The following MCU variants were observed in gnomAD, a reference collection of about 807,000 sequenced individuals.
MCU encodes mitochondrial calcium uniporter.
In MCU, 12 loss-of-function variants were observed where a neutral mutation model predicts 45.2. The observed-to-expected ratio is 0.27, with a 90% confidence interval of 0.17 to 0.43. The LOEUF (loss-of-function observed/expected upper bound fraction) is 0.43, where lower values mean the gene tolerates loss of function less well. MCU is among the 20% of genes least tolerant of loss of function. The pLI is 1.00. For missense variants in MCU, 324 were observed against 436.7 expected (o/e 0.74, Z 2.30); for synonymous variants, 160 against 165.1 (o/e 0.97, Z 0.24).
At chr10:72,762,519 GAGA>G (rs1843669846) in intron 1 of MCU, among the ~76,000 whole-genome samples, 2 of 152,066 alleles carry the variant, frequency 1.3e-5, no homozygotes, top group Admixed American at 1.3e-4. Context: ...AGAGGCATGT[GAGA>G]AGTAGTAAAC....
intron 1 of MCU, among the ~76,000 whole-genome samples, chr10:72,808,069 A>C (rs1426869996): frequency 1.3e-5 from 2 of 152,224 alleles, no homozygotes; most frequent in African/African-American, 2.4e-5. Context: ...TTTTAGGAGA[A>C]GAATAACCTG....
chr10:72,853,337 G>A (rs1398948822), intron 2 of MCU, among the ~76,000 whole-genome samples: 1 of 151,994 alleles, frequency 6.6e-6, no homozygotes, highest in African/African-American at 2.4e-5. Context: ...TTCTAGAGGT[G>A]AAAAATATGT....
chr10:72,810,007 C>T (rs1564563647), intron 1 of MCU, among the ~76,000 whole-genome samples: 2 of 112,742 alleles, frequency 1.8e-5, no homozygotes, highest in African/African-American at 5.0e-5. Context: ...TCTGTGTGTG[C>T]ATGTGTGTGT....
At chr10:72,729,527 A>G (rs1589435132) in intron 1 of MCU, among the ~76,000 whole-genome samples, 3 of 152,342 alleles carry the variant, frequency 2.0e-5, no homozygotes, top group East Asian at 3.9e-4. Context: ...AACCAGTCCC[A>G]CAAACACGTG....
chr10:72,817,180 A>C (rs1353639122), intron 1 of MCU, among the ~76,000 whole-genome samples: 1 of 152,210 alleles, frequency 6.6e-6, no homozygotes, highest in South Asian at 2.1e-4. Context: ...ATCTATGTAT[A>C]TTTCAAGTAG....
At chr10:72,697,426 ATTTTTTTTTT>A (rs1001610262) in intron 1 of MCU, among the ~76,000 whole-genome samples, 30 of 64,136 alleles carry the variant, frequency 4.7e-4, no homozygotes, top group African/African-American at 1.5e-3. Context: ...CCAGACTTCT[ATTTTTTTTTT>A]TTTTTTTTTT....
intron 1 of MCU, among the ~76,000 whole-genome samples, chr10:72,774,842 A>G (rs1180763953): frequency 6.6e-6 from 1 of 152,194 alleles, no homozygotes; most frequent in Non-Finnish European, 1.5e-5. Flanking sequence ...CAGCAAGAAG[A>G]TATACCAATT....
At chr10:72,768,147 T>A (rs1007789206) in intron 1 of MCU, among the ~76,000 whole-genome samples, 8 of 152,126 alleles carry the variant, frequency 5.3e-5, no homozygotes, top group African/African-American at 1.9e-4. Flanking sequence ...AAGACTTTTT[T>A]AAAAAAAGAA....
intron 1 of MCU, among the ~76,000 whole-genome samples, chr10:72,749,904 C>T (rs1230198214): frequency 6.6e-6 from 1 of 151,634 alleles, no homozygotes; most frequent in African/African-American, 2.4e-5. Context: ...GTAGCTGGGA[C>T]TACAGGCGTG....
At chr10:72,865,130 GTTTTTTAAA>G (rs1845434049) in intron 4 of MCU, among the ~76,000 whole-genome samples, 6 of 152,230 alleles carry the variant, frequency 3.9e-5, no homozygotes, top group Admixed American at 3.9e-4. Context: ...TGAACGTTTA[GTTTTTTAAA>G]TAAAGCTTTT....
At chr10:72,849,574 C>T (rs542396726) in intron 2 of MCU, among the ~76,000 whole-genome samples, 1 of 152,076 alleles carries the variant, frequency 6.6e-6, no homozygotes, top group South Asian at 2.1e-4. Flanking sequence ...GTGAGATTTC[C>T]TAGAGAGTGT....
chr10:72,799,966 T>G (rs1844314245), intron 1 of MCU, among the ~76,000 whole-genome samples: 1 of 152,186 alleles, frequency 6.6e-6, no homozygotes, highest in Non-Finnish European at 1.5e-5. Context: ...CAAATACAAG[T>G]TCAGCATCTC....
intron 1 of MCU, among the ~76,000 whole-genome samples, chr10:72,833,389 A>G (rs1218998896): frequency 3.3e-5 from 5 of 152,206 alleles, no homozygotes; most frequent in Non-Finnish European, 4.4e-5. Context: ...TCAGTCTTAC[A>G]TTTCTGCATG....
intron 1 of MCU, among the ~76,000 whole-genome samples, chr10:72,762,918 C>T (rs756646815): frequency 7.9e-5 from 12 of 152,176 alleles, no homozygotes; most frequent in East Asian, 1.9e-4. Context: ...CTAAAATCAA[C>T]GTGTCTTCAG....
At chr10:72,846,782 C>G (rs1257606939) in intron 2 of MCU, among the ~76,000 whole-genome samples, 1 of 151,894 alleles carries the variant, frequency 6.6e-6, no homozygotes, top group Non-Finnish European at 1.5e-5. Context: ...CCTTTAGGGT[C>G]CAGATGGAGG....
At chr10:72,732,358 A>G (rs1245932123) in intron 1 of MCU, among the ~76,000 whole-genome samples, 2 of 152,330 alleles carry the variant, frequency 1.3e-5, no homozygotes, top group East Asian at 3.9e-4. Flanking sequence ...TCTATTTGAT[A>G]ACTCATAGAA....
chr10:72,695,031 T>A (rs1842668665), intron 1 of MCU, among the ~76,000 whole-genome samples: 1 of 152,198 alleles, frequency 6.6e-6, no homozygotes, highest in South Asian at 2.1e-4. Flanking sequence ...TAACCAAAAC[T>A]GATGTAAAAT....
At chr10:72,878,698 A>G (rs1415521795) in intron 6 of MCU, among the ~76,000 whole-genome samples, 1 of 152,218 alleles carries the variant, frequency 6.6e-6, no homozygotes. Flanking sequence ...AACAAAAGAC[A>G]GAAATAGTGA....
At chr10:72,761,149 A>T (rs1843651547) in intron 1 of MCU, among the ~76,000 whole-genome samples, 1 of 152,204 alleles carries the variant, frequency 6.6e-6, no homozygotes, top group Non-Finnish European at 1.5e-5. Context: ...GTGACTGAAG[A>T]TTAGAGCTAA....
Sources: allele counts gnomAD v4.1 joint callset (sites outside exome capture counted in the v4.1 genomes callset), GRCh38; gene constraint gnomAD v4.1.1; transcripts MANE v1.5; gene names NCBI Gene and HGNC (gene_info 2026-07-23, HGNC 2026-07-21).